The following PLEKHH2 variants were observed in gnomAD, a reference collection of about 807,000 sequenced individuals.
PLEKHH2 encodes the protein pleckstrin homology domain-containing family H member 2.
In PLEKHH2, 129 loss-of-function variants were observed where a neutral mutation model predicts 187.9. The ratio of observed to expected loss-of-function variants is 0.69; its 90% CI spans 0.59 to 0.79. PLEKHH2 has a LOEUF of 0.79. Ranked by LOEUF, PLEKHH2 falls within the 30% of genes least tolerant of loss-of-function variation. PLEKHH2 has a pLI of 0.00. For missense variants in PLEKHH2, 2,076 were observed against 1,751.2 expected (o/e 1.19, Z -3.31); for synonymous variants, 686 against 605.6 (o/e 1.13, Z -1.95).
At chr2:43,676,264 C>T (rs1667779762) in intron 2 of PLEKHH2, 2 of 1,613,572 alleles carry the variant, frequency 1.2e-6, no homozygotes, top group Non-Finnish European at 1.7e-6. Flanking sequence ...TATCAAAACC[C>T]AGGAAATGCT....
rs372356365 is a variant in PLEKHH2 at position 43,709,750 on chromosome 2, C to T, written c.1967-240C>T. On this transcript the variant is annotated intron_variant, in intron 11 of 29. Transcript: ENST00000282406. ...ACTCGGGAGGCTGAGGCGGGAGAAT[C>T]GCTTGAACCCAGGAGGCAGAGGTTG... Among the ~76,000 whole-genome samples the T allele has an allele frequency of 2.6e-4, 39 of 152,248 alleles. No individual in the cohort carries two copies. The South Asian group carries it at 6.0e-3, about 23-fold the overall frequency.
rs70965316 is a variant in PLEKHH2 at position 43,693,723 on chromosome 2, C to CAAAAAAAAA, written c.337-699_337-691dup. 4.0e-4 allele frequency among the ~76,000 whole-genome samples: 28 copies of CAAAAAAAAA among 69,678 alleles called. 3 individuals are homozygous for CAAAAAAAAA. In the East Asian group the frequency reaches 4.7e-3, roughly 12 times the overall value. 45.7% of individuals were successfully genotyped at this position (69,678 alleles called of 152,430 possible). ...TGGGCGACTGAGCGAGACTCCATCT[C>CAAAAAAAAA]AAAAAAAAAAAAAAAAAGGAAAAAA... On this transcript the variant is annotated intron_variant, in intron 4 of 29. Coordinates refer to ENST00000282406, the MANE Select transcript of PLEKHH2 (RefSeq NM_172069.4).
chr2:43,733,413 C>T (rs2104576830), intron 19 of PLEKHH2, among the ~76,000 whole-genome samples: 1 of 151,994 alleles, frequency 6.6e-6, no homozygotes, highest in Non-Finnish European at 1.5e-5. Context: ...ACCCTTTCTC[C>T]TCCACTCCTC....
chr2:43,666,481 G>A (rs936385154), intron 2 of PLEKHH2, among the ~76,000 whole-genome samples: 2 of 147,098 alleles, frequency 1.4e-5, no homozygotes, highest in African/African-American at 5.5e-5. Flanking sequence ...TTCCTATTCG[G>A]CCATCTTGGC....
chr2:43,746,847 G>C (rs566950786), intron 24 of PLEKHH2, among the ~76,000 whole-genome samples: 1 of 152,030 alleles, frequency 6.6e-6, no homozygotes, highest in African/African-American at 2.4e-5. Context: ...GCGGGCACCT[G>C]TAGTCCCAGC....
intron 9 of PLEKHH2, 76 bp downstream of exon 9, chr2:43,704,132 T>A: frequency 1.9e-6 from 2 of 1,035,246 alleles, no homozygotes; most frequent in South Asian, 2.9e-5. Flanking sequence ...TACAAATACA[T>A]GGTACAGTCA....
At chr2:43,747,109 C>CCTCTCT (rs10696940) in intron 24 of PLEKHH2, among the ~76,000 whole-genome samples, 22 of 126,270 alleles carry the variant, frequency 1.7e-4, no homozygotes, top group Admixed American at 5.3e-4. Context: ...TCTCTCTCTC[C>CCTCTCT]CTCTCTCTCT....
At chr2:43,674,416 G>A (rs1179222350) in intron 2 of PLEKHH2, among the ~76,000 whole-genome samples, 1 of 152,170 alleles carries the variant, frequency 6.6e-6, no homozygotes, top group Non-Finnish European at 1.5e-5. Flanking sequence ...TGTGGTATTG[G>A]CATGTGTTTG....
In PLEKHH2 at chr2:43,725,400, A is replaced by G. The variant is rs111919406; in HGVS notation, c.2542-872A>G. Among the ~76,000 whole-genome samples the G allele has an allele frequency of 7.5e-3, 1,135 of 152,232 alleles. 18 individuals carry two copies. The highest frequency in any genetic ancestry group is 0.026 in the African/African-American group (1,079 of 41,524). The stretch of plus-strand genomic sequence containing the variant: ...TGGGGGGCCCATTGTACAAGTGTGG[A>G]GTTTGGTAATTACCCAGGAGACCTT... On this transcript the variant is annotated intron_variant, in intron 16 of 29. Transcript: ENST00000282406.
intron 26 of PLEKHH2, 94 bp downstream of exon 26, chr2:43,757,358 G>A (rs1287697549): frequency 9.7e-7 from 1 of 1,028,296 alleles, no homozygotes; most frequent in East Asian, 2.9e-5. Flanking sequence ...AAAACATTTG[G>A]ACAGCTTTCT....
intron 2 of PLEKHH2, among the ~76,000 whole-genome samples, chr2:43,666,994 T>C (rs2104390926): frequency 6.6e-6 from 1 of 152,290 alleles, no homozygotes; most frequent in South Asian, 2.1e-4. Context: ...TAATAGTGTG[T>C]TTTGAAAAAC....
chr2:43,712,172 C>A, intron 14 of PLEKHH2, 53 bp from the exon 15 acceptor site: 1 of 1,566,614 alleles, frequency 6.4e-7, no homozygotes, highest in Non-Finnish European at 8.8e-7. Flanking sequence ...GAAATGCTAA[C>A]AATCCTAAAT....
At chr2:43,683,142 C>CT (rs34805310) in intron 3 of PLEKHH2, among the ~76,000 whole-genome samples, 37,328 of 94,454 alleles carry the variant, frequency 0.4, 9,115 homozygotes, top group African/African-American at 0.44. Flanking sequence ...TTTATATACC[C>CT]TTTTTTTTTT....
In PLEKHH2 at chr2:43,761,507, T is replaced by C. The variant is rs115636821; in HGVS notation, c.4072-797T>C. The stretch of plus-strand genomic sequence containing the variant: ...CTCACTGCAGCCTGCGCCTCCCAGG[T>C]TCCAGCTGTTCTCCTGTCTCAGCCT... On this transcript the variant is annotated intron_variant, in intron 27 of 29. Transcript: ENST00000282406. 7.2e-3 allele frequency among the ~76,000 whole-genome samples: 1,094 copies of C among 151,410 alleles called. 15 individuals carry two copies. The highest frequency in any genetic ancestry group is 0.025 in the African/African-American group (1,029 of 41,204).
At position 43,723,641 on chromosome 2, in the gene PLEKHH2, C is replaced by T. The variant is rs1049057483; in HGVS notation, c.2542-2631C>T. ...CCCTCCTGCCTTTGGGAAGAAAACG[C>T]AGAGGGTCAGAACACCCTTCTTGCA... On this transcript the variant is annotated intron_variant, in intron 16 of 29. Coordinates refer to ENST00000282406, the MANE Select transcript of PLEKHH2 (RefSeq NM_172069.4). Among the ~76,000 whole-genome samples, 4 of 152,290 alleles carry T rather than the reference C, an allele frequency of 2.6e-5. No individual in the cohort carries two copies. The South Asian group carries it at 8.3e-4, about 32-fold the overall frequency.
rs563494978 is a variant in PLEKHH2 at position 43,657,319 on chromosome 2, C to T, written c.123+12523C>T. Among the ~76,000 whole-genome samples, 576 of 152,250 alleles carry T rather than the reference C, an allele frequency of 3.8e-3. 3 individuals are homozygous for T. Among genetic ancestry groups the T allele is most frequent in the Non-Finnish European group, 4.8e-3 (327 of 68,018 alleles). On this transcript the variant is annotated intron_variant, in intron 2 of 29. Coordinates refer to ENST00000282406, the MANE Select transcript of PLEKHH2 (RefSeq NM_172069.4). Reference sequence around the variant, plus strand: ...AGGTGCTTCCAAGTAGTTGGGATTACAGGTGCACGCCGCCACACCTTGATT... The same window carrying T: ...AGGTGCTTCCAAGTAGTTGGGATTATAGGTGCACGCCGCCACACCTTGATT...
chr2:43,692,695 G>A (rs1448860961), intron 4 of PLEKHH2, 32 bp downstream of exon 4: 4 of 1,592,750 alleles, frequency 2.5e-6, no homozygotes, highest in Admixed American at 3.5e-5. Flanking sequence ...AGTTCTAAGT[G>A]TGTGCACTCA....
chr2:43,738,458 T>A lies in PLEKHH2; in HGVS notation c.3061T>A (p.Cys1021Ser). The change falls in exon 20 of 30, where the codon TGC (cysteine) becomes AGC (serine). Residue 1021 changes from cysteine to serine, a missense_variant. By Grantham distance (112) the Cys-to-Ser change is moderately radical. Transcript: ENST00000282406. ...ACATCCTGAGCTGCAGAATGAAATT[T>A]GCTGTCAGCTTATTAAACAGACAAG... ...LTHPELQNEI[C>S]CQLIKQTRRR... 1 of 1,614,004 alleles carries A rather than the reference T, an allele frequency of 6.2e-7. No homozygotes were observed. The highest frequency in any genetic ancestry group is 8.5e-7 in the Non-Finnish European group (1 of 1,179,904).
chr2:43,683,339 A>C (rs566066621), intron 3 of PLEKHH2, among the ~76,000 whole-genome samples: 1 of 151,784 alleles, frequency 6.6e-6, no homozygotes, highest in Non-Finnish European at 1.5e-5. Context: ...GGATTTCTCT[A>C]TGTTGGTCGG....
Sources: gnomAD v4.1 joint callset for allele counts (sites outside exome capture counted in the v4.1 genomes callset) on GRCh38, gnomAD v4.1.1 for gene constraint, MANE v1.5 for transcripts, NCBI Gene and HGNC (gene_info 2026-07-23, HGNC 2026-07-21) for gene names.